The following CACNA1G variants were observed in gnomAD, a reference collection of about 807,000 sequenced individuals.
CACNA1G encodes the protein voltage-dependent T-type calcium channel subunit alpha-1G.
A neutral mutation model predicts 219.4 loss-of-function variants in CACNA1G; 67 were observed. The observed-to-expected ratio is 0.31, with a 90% CI of 0.25 to 0.37. The LOEUF is 0.37. Ranked by LOEUF, CACNA1G falls within the 10% of genes least tolerant of loss-of-function variation. The pLI, the probability that CACNA1G is intolerant of heterozygous loss-of-function variation, is 1.00. For missense variants in CACNA1G, 2,380 were observed against 3,231.4 expected (o/e 0.74, Z 6.39); for synonymous variants, 1,296 against 1,345.3 (o/e 0.96, Z 0.80).
In CACNA1G at chr17:50,627,273, C is replaced by T. The variant is rs760624193; in HGVS notation, c.*522C>T. The T allele has an allele frequency of 8.8e-6, 4 of 452,588 alleles. No homozygotes were observed. Among genetic ancestry groups the T allele is most frequent in the East Asian group, 7.0e-5 (1 of 14,384 alleles). 28.0% of individuals were successfully genotyped at this position (452,588 alleles called of 1,614,324 possible). The stretch of plus-strand genomic sequence containing the variant: ...AGCCCCAACGGTGGCCCATCTTCAG[C>T]GGAGAGCGAGAACCATTTTGGAAAC... On this transcript the variant is annotated 3_prime_UTR_variant, in exon 38 of 38. Coordinates refer to ENST00000359106, the MANE Select transcript of CACNA1G (RefSeq NM_018896.5).
In CACNA1G at chr17:50,618,543, C is replaced by T; in HGVS notation, c.5428-112C>T. 4 of 1,037,502 alleles carry T rather than the reference C, an allele frequency of 3.9e-6. No individual in the cohort carries two copies. The South Asian group carries it at 6.0e-5, about 15-fold the overall frequency. The allele number at this position is 1,037,502 out of a possible 1,614,324, so 64.3% of individuals were successfully genotyped here. A position where few individuals can be genotyped will look rare whatever the true frequency, so the allele number is the denominator to read the frequency against. On this transcript the variant is annotated intron_variant, in intron 32 of 37. Transcript: ENST00000359106. The surrounding 1 kb of genome is among the most constrained non-coding windows in gnomAD (Gnocchi z 5.3). ...CCTCTGCCCCCAAACACTCCCTCCTCCTCCCCTTCCTTCCCATCCTCCAAT... is the reference window on the plus strand; with the variant it reads ...CCTCTGCCCCCAAACACTCCCTCCTTCTCCCCTTCCTTCCCATCCTCCAAT...
intron 9 of CACNA1G, among the ~76,000 whole-genome samples, chr17:50,580,533 G>C (rs2041729009): frequency 6.6e-6 from 1 of 152,220 alleles, no homozygotes. Flanking sequence ...GGCAGATGAA[G>C]CCTTGGTAAG....
chr17:50,579,499 A>G (rs967511260), intron 9 of CACNA1G, among the ~76,000 whole-genome samples: 5 of 152,140 alleles, frequency 3.3e-5, no homozygotes, highest in African/African-American at 9.7e-5. Flanking sequence ...CCTCTTCCAC[A>G]GGGTTCTTTC....
Position 50,575,783 on chromosome 17 carries a change from C to A in CACNA1G, c.1381C>A (p.Arg461=), listed in dbSNP as rs754427344. Residue 461 remains arginine, a synonymous_variant, in exon 8 of 38, where the codon CGG becomes AGG. Transcript: ENST00000359106. ...TCAGGTCTCTCGGGCAGCAGGTGTG[C>A]GGGTTGGGCTGCTCAGCAGCCCAGC... ...LAQVSRAAGV[R]VGLLSSPAPL... is the part of the protein sequence containing the mutation. 12 of 1,554,542 alleles carry A rather than the reference C, an allele frequency of 7.7e-6. No individual in the cohort carries two copies. The East Asian group carries it at 2.2e-4, about 28-fold the overall frequency.
Position 50,571,830 on chromosome 17 carries a change from C to A in CACNA1G, c.587-48C>A, listed in dbSNP as rs779528738. On this transcript the variant is annotated intron_variant, in intron 4 of 37. Coordinates refer to ENST00000359106, the MANE Select transcript of CACNA1G (RefSeq NM_018896.5). This position sits in a 1 kb window ranked among gnomAD's most constrained non-coding sequence, Gnocchi z 4.3. ...AGTGCTGCCGGGCCGTGGCAGTCAG[C>A]CTAGCCCGGCCAGCCTGGTGTCCCC... The A allele has an allele frequency of 6.2e-7, 1 of 1,603,358 alleles. No homozygotes were observed. The highest frequency in any genetic ancestry group is 8.5e-7 in the Non-Finnish European group (1 of 1,174,726).
chr17:50,595,543 G>A (rs901957117), intron 14 of CACNA1G, among the ~76,000 whole-genome samples: 10 of 152,376 alleles, frequency 6.6e-5, no homozygotes, highest in African/African-American at 2.4e-4. Flanking sequence ...CAAGTCCTTG[G>A]AGGATGTGGG....
chr17:50,562,768 A>T (rs200720031), intron 1 of CACNA1G, among the ~76,000 whole-genome samples: 1 of 152,156 alleles, frequency 6.6e-6, no homozygotes, highest in East Asian at 1.9e-4. Context: ...CTCCGCAGAT[A>T]GGTTTGGGGA....
intron 13 of CACNA1G, among the ~76,000 whole-genome samples, chr17:50,594,119 C>T (rs1360299138): frequency 2.0e-5 from 3 of 152,214 alleles, no homozygotes; most frequent in African/African-American, 4.8e-5. Flanking sequence ...GGTAGCCCCC[C>T]TGCTGGCCTT....
At chr17:50,613,712 C>T (rs763168778) in intron 26 of CACNA1G, among the ~76,000 whole-genome samples, 1 of 152,234 alleles carries the variant, frequency 6.6e-6, no homozygotes, top group Non-Finnish European at 1.5e-5. Flanking sequence ...CGGGTGCTCT[C>T]GGCATTTATG....
chr17:50,582,265 G>A (rs939880273), intron 9 of CACNA1G, among the ~76,000 whole-genome samples: 11 of 152,222 alleles, frequency 7.2e-5, no homozygotes, highest in Non-Finnish European at 1.6e-4. Context: ...TGAAGGAAGA[G>A]TAGGACATAG....
At chr17:50,609,096 G>T (rs1235012240) in intron 25 of CACNA1G, among the ~76,000 whole-genome samples, 1 of 152,080 alleles carries the variant, frequency 6.6e-6, no homozygotes, top group Admixed American at 6.6e-5. Flanking sequence ...TTTTCCTTTG[G>T]TGTGTTCACA....
chr17:50,602,858 C>G lies in CACNA1G; in HGVS notation c.3954C>G (p.Thr1318=), dbSNP rs1323841041. ...TGACCCTCTCCAATTACATCTTCAC[C>G]GCAGTCTTTCTGGCTGAAATGACAG... The part of the protein sequence containing the change: ...IFLTLSNYIF[T]AVFLAEMTVK... The change falls in exon 20 of 38, where the codon ACC becomes ACG. Residue 1318 remains threonine, a synonymous_variant. Transcript: ENST00000359106. 2 of 1,613,812 alleles carry G rather than the reference C, an allele frequency of 1.2e-6. No homozygotes were observed. Among genetic ancestry groups the G allele is most frequent in the South Asian group, 2.2e-5 (2 of 91,072 alleles).
Position 50,572,648 on chromosome 17 carries a change from T to A in CACNA1G, c.841T>A (p.Ser281Thr). Residue 281 changes from serine to threonine, a missense_variant, in exon 6 of 38, where the codon TCC becomes ACC. Ser to Thr is a moderately conservative substitution (Grantham distance 58). Transcript: ENST00000359106. ...CCAGCCACGCGAGAACGGCATGCGG[T>A]CCTGCAGAAGCGTGCCCACGCTGCG... ...CSQPRENGMR[S>T]CRSVPTLRGD... 6.2e-7 allele frequency: 1 copy of A among 1,604,484 alleles called. No homozygotes were observed. Among genetic ancestry groups the A allele is most frequent in the Non-Finnish European group, 8.5e-7 (1 of 1,175,742 alleles).
chr17:50,609,824 G>C, intron 25 of CACNA1G, 58 bp from the exon 26 acceptor site: 1 of 1,531,862 alleles, frequency 6.5e-7, no homozygotes, highest in Non-Finnish European at 9.0e-7. Flanking sequence ...GCCCCTGAGG[G>C]GCCCTGCCCA....
rs753280444 is a variant in CACNA1G, at chr17:50,599,544, T to C, written c.3375T>C (p.Ser1125=). 8 of 1,612,568 alleles carry C rather than the reference T, an allele frequency of 5.0e-6. No individual in the cohort carries two copies. In the South Asian group the frequency reaches 6.6e-5, roughly 13 times the overall value. The change falls in exon 17 of 38, where the codon AGT becomes AGC. Residue 1125 remains serine (S), a synonymous_variant. Coordinates refer to ENST00000359106, the MANE Select transcript of CACNA1G (RefSeq NM_018896.5). ...RAPSLKRRSP[S]GERRSLLSGE... Reference sequence around the variant, plus strand: ...CCAGCCTGAAGCGGAGAAGCCCAAGTGGAGAGCGGCGGTCCCTGTTGTCGG... The same window carrying C: ...CCAGCCTGAAGCGGAGAAGCCCAAGCGGAGAGCGGCGGTCCCTGTTGTCGG...
At position 50,625,960 on chromosome 17, in the gene CACNA1G, G is replaced by A. The variant is rs1022313224; in HGVS notation, c.6400-57G>A. 6.5e-6 allele frequency: 10 copies of A among 1,540,454 alleles called. No individual in the cohort carries two copies. In the Admixed American group the frequency reaches 1.7e-4, roughly 26 times the overall value. ...GGGGGCACAGCCAGCTTGACAGGAG[G>A]GCTAGTCCATGCTGGAGAGGAGACT... On this transcript the variant is annotated intron_variant, in intron 37 of 37. Transcript: ENST00000359106.
intron 26 of CACNA1G, among the ~76,000 whole-genome samples, 160 bp from the exon 27 acceptor site, chr17:50,615,201 T>A (rs1238264055): frequency 6.6e-6 from 1 of 151,234 alleles, no homozygotes; most frequent in Non-Finnish European, 1.5e-5. Flanking sequence ...CCCAGACGGC[T>A]GCCCCCACCA....
intron 22 of CACNA1G, 66 bp downstream of exon 22, chr17:50,604,347 G>C: frequency 6.4e-7 from 1 of 1,573,470 alleles, no homozygotes; most frequent in Non-Finnish European, 8.7e-7. Context: ...CTTGGCCCCT[G>C]GGTCCTATGG....
In CACNA1G at chr17:50,571,999, G is replaced by C. The variant is rs1412419580; in HGVS notation, c.708G>C (p.Leu236=). The C allele has an allele frequency of 6.2e-7, 1 of 1,613,968 alleles. No homozygotes were observed. The highest frequency in any genetic ancestry group is 8.5e-7 in the Non-Finnish European group (1 of 1,179,832). ...TCGGCGTCCAGCTGTGGGCAGGGCT[G>C]CTTCGGAACCGATGCTTCCTACCTG... is the stretch of plus-strand genomic sequence containing the variant. The part of the protein sequence containing the change: ...GIVGVQLWAG[L]LRNRCFLPEN... Residue 236 remains leucine, a synonymous_variant, in exon 5 of 38, where the codon CTG becomes CTC. Transcript: ENST00000359106. This position sits in a 1 kb window ranked among gnomAD's most constrained non-coding sequence, Gnocchi z 4.3.
Sources: allele counts gnomAD v4.1 joint callset (sites outside exome capture counted in the v4.1 genomes callset), GRCh38; gene constraint gnomAD v4.1.1; non-coding constraint Gnocchi (gnomAD v3.1); transcripts MANE v1.5; gene names NCBI Gene and HGNC (gene_info 2026-07-23, HGNC 2026-07-21).